Variants in TMTC1 observed in about 807,000 individuals in gnomAD.
TMTC1 encodes transmembrane O-mannosyltransferase targeting cadherins 1, also known as protein O-mannosyl-transferase TMTC1.
In TMTC1, 73 loss-of-function variants were observed where a neutral mutation model predicts 104.8. The observed-to-expected ratio is 0.70, with a 90% CI of 0.58 to 0.85. TMTC1 has a LOEUF of 0.85. Among genes scored for constraint, TMTC1 ranks in the 40% least tolerant of loss-of-function variants. TMTC1 has a pLI of 0.00. For synonymous variants in TMTC1, 434 were observed against 428.7 expected (o/e 1.01, Z -0.15); for missense variants, 1,035 against 1,096.1 (o/e 0.94, Z 0.79).
At chr12:29,575,370 A>C (rs1373913839) in intron 8 of TMTC1, among the ~76,000 whole-genome samples, 1 of 152,064 alleles carries the variant, frequency 6.6e-6, no homozygotes, top group Non-Finnish European at 1.5e-5. Context: ...TTACATATTT[A>C]CATTTAGTTT....
chr12:29,631,243 AT>A (rs2136500101), intron 6 of TMTC1, among the ~76,000 whole-genome samples: 1 of 152,180 alleles, frequency 6.6e-6, no homozygotes, highest in South Asian at 2.1e-4. Flanking sequence ...GATGAAAAAA[AT>A]ATTTAATTTT....
chr12:29,572,312 GA>G (rs1945701516), intron 8 of TMTC1, 94 bp from the exon 9 acceptor site: 1 of 1,051,154 alleles, frequency 9.5e-7, no homozygotes, highest in South Asian at 1.4e-5. Flanking sequence ...ACCTGTATTT[GA>G]AATGTCCGTT....
intron 5 of TMTC1, among the ~76,000 whole-genome samples, chr12:29,737,819 C>T (rs1942721026): frequency 1.3e-5 from 2 of 152,176 alleles, no homozygotes; most frequent in African/African-American, 2.4e-5. Flanking sequence ...AGACCTACTT[C>T]CCAAGGGCGT....
chr12:29,696,315 G>T (rs1404547900), intron 5 of TMTC1, among the ~76,000 whole-genome samples: 1 of 152,026 alleles, frequency 6.6e-6, no homozygotes, highest in South Asian at 2.1e-4. Context: ...GGAAACAAAA[G>T]AATAATGTAT....
intron 5 of TMTC1, among the ~76,000 whole-genome samples, chr12:29,654,061 T>C (rs1427541283): frequency 6.6e-6 from 1 of 152,192 alleles, no homozygotes; most frequent in Non-Finnish European, 1.5e-5. Context: ...ATATAGAAGA[T>C]ATGTATCTTA....
intron 6 of TMTC1, among the ~76,000 whole-genome samples, chr12:29,622,763 C>T (rs1052117888): frequency 6.6e-6 from 1 of 152,118 alleles, no homozygotes; most frequent in Non-Finnish European, 1.5e-5. Flanking sequence ...AATTCAAATG[C>T]CTTTCTAGAG....
intron 2 of TMTC1, among the ~76,000 whole-genome samples, 174 bp from the exon 3 acceptor site, chr12:29,758,951 T>C (rs997315978): frequency 2.0e-5 from 3 of 152,188 alleles, no homozygotes; most frequent in African/African-American, 7.2e-5. Flanking sequence ...GATTATCATA[T>C]ATATTTAATA....
intron 5 of TMTC1, among the ~76,000 whole-genome samples, chr12:29,671,992 G>A (rs935342280): frequency 2.6e-5 from 4 of 152,290 alleles, no homozygotes; most frequent in African/African-American, 9.6e-5. Context: ...AGTATAGGCA[G>A]CCCTCTCCTC....
At chr12:29,725,011 G>GTTTTTTTTTTTTTTTTTTTT (rs879602127) in intron 5 of TMTC1, among the ~76,000 whole-genome samples, 4 of 115,724 alleles carry the variant, frequency 3.5e-5, no homozygotes, top group Non-Finnish European at 3.5e-5. Flanking sequence ...TATCTGCCAA[G>GTTTTTTTTTTTTTTTTTTTT]TTCTTTTTTT....
chr12:29,735,795 C>T (rs1305112150), intron 5 of TMTC1, among the ~76,000 whole-genome samples: 1 of 152,168 alleles, frequency 6.6e-6, no homozygotes, highest in Non-Finnish European at 1.5e-5. Flanking sequence ...AGGGCCACAT[C>T]CACCTACCTC....
chr12:29,566,920 C>T (rs1312216060), intron 9 of TMTC1, among the ~76,000 whole-genome samples: 4 of 152,182 alleles, frequency 2.6e-5, no homozygotes, highest in Admixed American at 2.0e-4. Context: ...GCATATTCTC[C>T]CGGCTGCTAG....
chr12:29,553,763 C>T lies in TMTC1; in HGVS notation c.1676+3094G>A, dbSNP rs999318375. Among the ~76,000 whole-genome samples, 4 of 152,250 alleles carry T rather than the reference C, an allele frequency of 2.6e-5. 1 individual carries two copies. Among genetic ancestry groups the T allele is most frequent in the Admixed American group, 2.0e-4 (3 of 15,302 alleles). ...GCCAAGTTCCAAAATGCATTTTTAACTCACATGTACTAATTTAAGATGTTA... is the reference window on the plus strand; with the variant it reads ...GCCAAGTTCCAAAATGCATTTTTAATTCACATGTACTAATTTAAGATGTTA... On this transcript the variant is annotated intron_variant, in intron 10 of 17. Coordinates refer to ENST00000539277, the MANE Select transcript of TMTC1 (RefSeq NM_001193451.2).
intron 2 of TMTC1, among the ~76,000 whole-genome samples, chr12:29,760,460 G>T (rs1164099305): frequency 1.3e-5 from 2 of 152,130 alleles, no homozygotes; most frequent in Non-Finnish European, 2.9e-5. Flanking sequence ...AGTTTTTGAG[G>T]TGCAAAGTAT....
chr12:29,633,946 G>C (rs781150964), intron 5 of TMTC1, among the ~76,000 whole-genome samples: 2 of 152,124 alleles, frequency 1.3e-5, no homozygotes, highest in Admixed American at 6.5e-5. Flanking sequence ...CCTCACTTTG[G>C]GGGTAGAGAA....
chr12:29,762,123 G>A (rs1943365428), intron 2 of TMTC1, among the ~76,000 whole-genome samples: 1 of 152,154 alleles, frequency 6.6e-6, no homozygotes. Context: ...AGGCTGCAGT[G>A]AGCCGAGATC....
intron 5 of TMTC1, among the ~76,000 whole-genome samples, chr12:29,703,891 T>C (rs971252034): frequency 2.0e-5 from 3 of 152,210 alleles, no homozygotes; most frequent in African/African-American, 7.2e-5. Flanking sequence ...CTTAGTGATA[T>C]GGTTTGGCTG....
chr12:29,643,410 TCAA>T (rs1167950741), intron 5 of TMTC1, among the ~76,000 whole-genome samples: 1 of 136,614 alleles, frequency 7.3e-6, no homozygotes, highest in African/African-American at 2.7e-5. Flanking sequence ...TACCCATCAA[TCAA>T]CGAGTGGATA....
At chr12:29,559,318 G>A (rs970280752) in intron 9 of TMTC1, among the ~76,000 whole-genome samples, 6 of 152,088 alleles carry the variant, frequency 3.9e-5, no homozygotes, top group East Asian at 1.9e-4. Flanking sequence ...GTAAGCAGCC[G>A]GTCATCTCCG....
chr12:29,707,196 G>T (rs1281758241), intron 5 of TMTC1, among the ~76,000 whole-genome samples: 1 of 152,096 alleles, frequency 6.6e-6, no homozygotes, highest in Non-Finnish European at 1.5e-5. Context: ...CATGCTGGAG[G>T]GCTCACTCAA....
Sources: allele counts gnomAD v4.1 joint callset (sites outside exome capture counted in the v4.1 genomes callset), GRCh38; gene constraint gnomAD v4.1.1; transcripts MANE v1.5; gene names NCBI Gene and HGNC (gene_info 2026-07-23, HGNC 2026-07-21).